The following MYT1L variants were observed in gnomAD, a reference collection of about 807,000 sequenced individuals.
MYT1L encodes myelin transcription factor 1 like.
A neutral mutation model predicts 126.7 loss-of-function variants in MYT1L; 12 were observed. The ratio of observed to expected loss-of-function variants is 0.09; its 90% CI spans 0.06 to 0.15. The LOEUF (loss-of-function observed/expected upper bound fraction) is 0.15. Among genes scored for constraint, MYT1L ranks in the 10% least tolerant of loss-of-function variants. The pLI, the probability that MYT1L is intolerant of heterozygous loss-of-function variation, is 1.00. For synonymous variants in MYT1L, 541 were observed against 604.2 expected, an observed-to-expected ratio of 0.90 and a Z score of 1.53; for missense variants, 979 against 1,585.2, an observed-to-expected ratio of 0.62 and a Z score of 6.49.
intron 2 of MYT1L, among the ~76,000 whole-genome samples, chr2:2,178,939 C>A (rs2091118312): frequency 6.6e-6 from 1 of 152,156 alleles, no homozygotes; most frequent in Non-Finnish European, 1.5e-5. Context: ...TTATTAATAA[C>A]AAGCTTTAGT....
At chr2:2,067,780 GAT>G (rs750002910) in intron 3 of MYT1L, among the ~76,000 whole-genome samples, 34 of 152,230 alleles carry the variant, frequency 2.2e-4, no homozygotes, top group Non-Finnish European at 4.7e-4. Flanking sequence ...TCTGGAAGAA[GAT>G]ATATTTTTGA....
At chr2:1,977,181 TCCTC>T (rs1194159113) in intron 8 of MYT1L, among the ~76,000 whole-genome samples, 3 of 152,156 alleles carry the variant, frequency 2.0e-5, no homozygotes, top group Non-Finnish European at 4.4e-5. Context: ...CTTCCATGAC[TCCTC>T]CCTAACATCC....
intron 9 of MYT1L, among the ~76,000 whole-genome samples, chr2:1,942,200 A>G (rs2056728514): frequency 6.6e-6 from 1 of 152,112 alleles, no homozygotes. Context: ...AAAACCACAA[A>G]ACTCCCACCT....
chr2:1,851,688 G>A lies in MYT1L; in HGVS notation c.2727C>T (p.Gly909=), dbSNP rs1264624224. The stretch of plus-strand genomic sequence containing the variant: ...CGGTGATATGTCCAGAACCATCACA[G>A]CCAGGCGTGGGGCACCTACAATAAA... ...SSQELKCPTP[G]CDGSGHITGN... Residue 909 remains glycine, a synonymous_variant, in exon 19 of 25, where the codon GGC becomes GGT. Coordinates refer to ENST00000647738, the MANE Select transcript of MYT1L (RefSeq NM_001303052.2). 2 of 1,613,696 alleles carry A rather than the reference G, an allele frequency of 1.2e-6. No individual in the cohort carries two copies. Among genetic ancestry groups the A allele is most frequent in the Non-Finnish European group, 1.7e-6 (2 of 1,179,798 alleles).
chr2:2,225,831 A>G (rs1006928456), intron 2 of MYT1L, among the ~76,000 whole-genome samples: 19 of 152,290 alleles, frequency 1.2e-4, no homozygotes, highest in Non-Finnish European at 2.2e-4. Context: ...GCTGAGTGAC[A>G]ATCAAACAAA....
At chr2:2,299,395 G>A (rs2095749945) in intron 1 of MYT1L, among the ~76,000 whole-genome samples, 1 of 152,234 alleles carries the variant, frequency 6.6e-6, no homozygotes, top group Non-Finnish European at 1.5e-5. Flanking sequence ...CCTGCGGGCT[G>A]GCAAGCCAGG....
chr2:2,265,562 C>A (rs922885865), intron 2 of MYT1L, among the ~76,000 whole-genome samples: 1 of 152,064 alleles, frequency 6.6e-6, no homozygotes, highest in African/African-American at 2.4e-5. Context: ...GCCTTCCTCC[C>A]GAGTCTAATT....
chr2:2,220,030 C>T (rs1374215010), intron 2 of MYT1L, among the ~76,000 whole-genome samples: 2 of 152,048 alleles, frequency 1.3e-5, no homozygotes, highest in African/African-American at 4.8e-5. Context: ...GGGAAAAGCG[C>T]ATTTGCACAG....
At chr2:1,803,078 G>T (rs773282837) in intron 22 of MYT1L, among the ~76,000 whole-genome samples, 36 of 152,120 alleles carry the variant, frequency 2.4e-4, no homozygotes, top group African/African-American at 8.0e-4. Context: ...CTACCAAGAC[G>T]TTAGAAAGAT....
chr2:2,105,746 A>G (rs953429845), intron 3 of MYT1L, among the ~76,000 whole-genome samples: 22 of 152,218 alleles, frequency 1.4e-4, no homozygotes, highest in Non-Finnish European at 2.6e-4. Context: ...GGGTTACTCA[A>G]TGAAGCTAAA....
intron 2 of MYT1L, among the ~76,000 whole-genome samples, chr2:2,259,678 T>C (rs1007065530): frequency 7.2e-5 from 11 of 152,220 alleles, no homozygotes; most frequent in Admixed American, 4.6e-4. Flanking sequence ...ATAGAAAATG[T>C]GGCTAGTATC....
At chr2:2,291,694 C>T (rs775425283) in intron 1 of MYT1L, among the ~76,000 whole-genome samples, 3 of 152,228 alleles carry the variant, frequency 2.0e-5, no homozygotes, top group African/African-American at 7.2e-5. Context: ...ACGCTGGGTG[C>T]GGTTGCAGGT....
At chr2:2,259,242 G>A (rs1314295788) in intron 2 of MYT1L, among the ~76,000 whole-genome samples, 2 of 103,818 alleles carry the variant, frequency 1.9e-5, no homozygotes, top group Non-Finnish European at 3.8e-5. Context: ...TGGGGACTGT[G>A]GTGGGGTCGG....
intron 2 of MYT1L, among the ~76,000 whole-genome samples, chr2:2,214,697 G>T (rs2148930691): frequency 6.6e-6 from 1 of 152,284 alleles, no homozygotes; most frequent in Middle Eastern, 3.4e-3. Flanking sequence ...GTCACCAGCA[G>T]ACTGGGCCTT....
At chr2:2,000,749 G>A (rs2062286299) in intron 4 of MYT1L, among the ~76,000 whole-genome samples, 1 of 152,022 alleles carries the variant, frequency 6.6e-6, no homozygotes, top group African/African-American at 2.4e-5. Context: ...TTTCAGAATG[G>A]GGACCTCCAC....
intron 2 of MYT1L, among the ~76,000 whole-genome samples, chr2:2,208,051 A>C (rs969816453): frequency 1.3e-5 from 2 of 152,104 alleles, no homozygotes; most frequent in Non-Finnish European, 1.5e-5. Flanking sequence ...AACAAGTTTC[A>C]TTGTCCATGT....
In MYT1L at chr2:2,262,939, G is replaced by GATAT. The variant is rs60682131; in HGVS notation, c.-421+21461_-421+21464dup. Among the ~76,000 whole-genome samples, 13 of 51,984 alleles carry GATAT rather than the reference G, an allele frequency of 2.5e-4. 2 individuals carry two copies. The highest frequency in any genetic ancestry group is 2.3e-3 in the East Asian group (1 of 440). The allele number at this position is 51,984 out of a possible 152,430, so 34.1% of individuals were successfully genotyped here. Reference sequence around the variant, plus strand: ...AAATATATATATATATATAACCTGTGATATATATATATATATCACAGGTAA... The same window carrying GATAT: ...AAATATATATATATATATAACCTGTGATATATATATATATATATATCACAGGTAA... On this transcript the variant is annotated intron_variant, in intron 2 of 24. Transcript: ENST00000647738.
At chr2:1,982,317 A>G (rs2060670008) in intron 5 of MYT1L, among the ~76,000 whole-genome samples, 1 of 152,206 alleles carries the variant, frequency 6.6e-6, no homozygotes, top group South Asian at 2.1e-4. Flanking sequence ...TGCCTTTGTC[A>G]CAGGTCTGGG....
intron 8 of MYT1L, among the ~76,000 whole-genome samples, chr2:1,952,985 CTT>C (rs2058020593): frequency 8.7e-6 from 1 of 115,072 alleles, no homozygotes; most frequent in Non-Finnish European, 1.8e-5. Flanking sequence ...CTTCCTTTCT[CTT>C]TCTTTCTTTT....
Sources: gnomAD v4.1 joint callset for allele counts (sites outside exome capture counted in the v4.1 genomes callset) on GRCh38, gnomAD v4.1.1 for gene constraint, MANE v1.5 for transcripts, NCBI Gene and HGNC (gene_info 2026-07-23, HGNC 2026-07-21) for gene names.